Variants in SLC12A1 observed in about 807,000 individuals in gnomAD.
SLC12A1 encodes solute carrier family 12 member 1, also known as Na-K-2Cl cotransporter.
SLC12A1 carries 89 observed loss-of-function variants against 130.4 expected under a neutral mutation model. The ratio of observed to expected loss-of-function variants is 0.68; its 90% CI spans 0.58 to 0.81. The LOEUF is 0.81. Among genes scored for constraint, SLC12A1 ranks in the 40% least tolerant of loss-of-function variants. SLC12A1 has a pLI of 0.00. For missense variants in SLC12A1, 1,310 were observed against 1,336.4 expected (o/e 0.98, Z 0.31); for synonymous variants, 499 against 460.0 (o/e 1.08, Z -1.09).
Position 48,269,758 on chromosome 15 carries a change from T to C in SLC12A1, c.2396T>C (p.Ile799Thr). The C allele has an allele frequency of 6.4e-7, 1 of 1,573,036 alleles. No homozygotes were observed. Among genetic ancestry groups the C allele is most frequent in the Non-Finnish European group, 8.7e-7 (1 of 1,143,150 alleles). Reference sequence around the variant, plus strand: ...ACAGAGATTGAGAACTACGTGGGAATCATACAGTAAGTGATGGCTTTCAAG... The same window carrying C: ...ACAGAGATTGAGAACTACGTGGGAACCATACAGTAAGTGATGGCTTTCAAG... Reference protein sequence around the residue: ...PLTEIENYVGIIHDAFDFEIG... With the variant: ...PLTEIENYVGTIHDAFDFEIG... Residue 799 changes from isoleucine (I) to threonine (T), a missense_variant, in exon 19 of 27, where the codon ATC becomes ACC. Coordinates refer to ENST00000380993, the MANE Select transcript of SLC12A1 (RefSeq NM_000338.3).
chr15:48,272,843 C>T (rs1360632541), intron 19 of SLC12A1, among the ~76,000 whole-genome samples: 1 of 152,120 alleles, frequency 6.6e-6, no homozygotes, highest in East Asian at 1.9e-4. Flanking sequence ...CGCAGTGGCT[C>T]ATGCCTATAA....
intron 24 of SLC12A1, among the ~76,000 whole-genome samples, chr15:48,297,748 G>C (rs1219761525): frequency 6.6e-6 from 1 of 152,140 alleles, no homozygotes; most frequent in Admixed American, 6.6e-5. Context: ...TGACTCTCAA[G>C]CCAGTTTCTA....
Position 48,303,010 on chromosome 15 carries a change from C to G in SLC12A1, c.*125C>G, listed in dbSNP as rs1449843413. 20 of 651,044 alleles carry G rather than the reference C, an allele frequency of 3.1e-5. No homozygotes were observed. Among genetic ancestry groups the G allele is most frequent in the Non-Finnish European group, 4.8e-5 (20 of 416,262 alleles). The allele number at this position is 651,044 out of a possible 1,614,324, so 40.3% of individuals were successfully genotyped here. A position where few individuals can be genotyped will look rare whatever the true frequency, so the allele number is the denominator to read the frequency against. On this transcript the variant is annotated 3_prime_UTR_variant, in exon 27 of 27. Coordinates refer to ENST00000380993, the MANE Select transcript of SLC12A1 (RefSeq NM_000338.3). ...CCTCTGGAGAGGATCCTACCAGATT[C>G]TACATACATTGCATAATTTTTATCA...
chr15:48,215,887 G>A (rs955918030), intron 2 of SLC12A1, among the ~76,000 whole-genome samples: 2 of 152,158 alleles, frequency 1.3e-5, no homozygotes, highest in Non-Finnish European at 2.9e-5. Context: ...CACCTTGATG[G>A]AGGACGTACC....
intron 2 of SLC12A1, among the ~76,000 whole-genome samples, chr15:48,209,817 G>A (rs1463124149): frequency 6.6e-6 from 1 of 152,100 alleles, no homozygotes; most frequent in Non-Finnish European, 1.5e-5. Flanking sequence ...CTGAGGAGGA[G>A]CCCATGTTTT....
At position 48,249,629 on chromosome 15, in the gene SLC12A1, C is replaced by T; in HGVS notation, c.1739C>T (p.Ala580Val). 1 of 1,613,968 alleles carries T rather than the reference C, an allele frequency of 6.2e-7. No individual in the cohort carries two copies. The highest frequency in any genetic ancestry group is 8.5e-7 in the Non-Finnish European group (1 of 1,179,862). The change falls in exon 14 of 27, where the codon GCA becomes GTA. Residue 580 changes from alanine to valine, a missense_variant. Ala to Val is a moderately conservative substitution (Grantham distance 64). Coordinates refer to ENST00000380993, the MANE Select transcript of SLC12A1 (RefSeq NM_000338.3). The part of the protein sequence containing the change: ...IISNFFLASY[A>V]LINFSCFHAS... ...TCCAACTTTTTCCTGGCCTCATATG[C>T]ACTTATTAATTTCTCCTGCTTCCAT...
At chr15:48,289,598 T>C (rs953804937) in intron 23 of SLC12A1, among the ~76,000 whole-genome samples, 2 of 152,066 alleles carry the variant, frequency 1.3e-5, no homozygotes, top group Non-Finnish European at 1.5e-5. Context: ...CTAGATGGTA[T>C]AGCCTACTAC....
chr15:48,247,002 C>T lies in SLC12A1; in HGVS notation c.1546C>T (p.Pro516Ser), dbSNP rs1373506202. 2 of 1,613,330 alleles carry T rather than the reference C, an allele frequency of 1.2e-6. No individual in the cohort carries two copies. The highest frequency in any genetic ancestry group is 8.5e-7 in the Non-Finnish European group (1 of 1,179,324). ...SSALASLVSA[P>S]KVFQALCKDN... ...CGCCCTGGCCTCCCTTGTCAGCGCACCCAAAGTGTTCCAGGTAATACAAGC... is the reference window on the plus strand; with the variant it reads ...CGCCCTGGCCTCCCTTGTCAGCGCATCCAAAGTGTTCCAGGTAATACAAGC... Residue 516 changes from proline (P) to serine (S), a missense_variant, in exon 12 of 27, where the codon CCC becomes TCC. Pro to Ser is a moderately conservative substitution (Grantham distance 74). Coordinates refer to ENST00000380993, the MANE Select transcript of SLC12A1 (RefSeq NM_000338.3).
At chr15:48,261,327 A>T (rs1451481160) in intron 17 of SLC12A1, among the ~76,000 whole-genome samples, 1 of 152,214 alleles carries the variant, frequency 6.6e-6, no homozygotes, top group Non-Finnish European at 1.5e-5. Flanking sequence ...TGCTGCTTTA[A>T]CTATAATACA....
At chr15:48,296,705 ATTTAATAGCATGTAACAC>A (rs1410501748) in intron 24 of SLC12A1, among the ~76,000 whole-genome samples, 1 of 152,202 alleles carries the variant, frequency 6.6e-6, no homozygotes, top group Non-Finnish European at 1.5e-5. Flanking sequence ...TCTTATTTAT[ATTTAATAGCATGTAACAC>A]TTGGCTTATT....
At chr15:48,295,839 T>C (rs2042172672) in intron 24 of SLC12A1, among the ~76,000 whole-genome samples, 1 of 152,190 alleles carries the variant, frequency 6.6e-6, no homozygotes, top group Non-Finnish European at 1.5e-5. Context: ...CCATATTACC[T>C]TATAAAACAG....
At position 48,207,693 on chromosome 15, in the gene SLC12A1, A is replaced by G; in HGVS notation, c.-27A>G. On this transcript the variant is annotated 5_prime_UTR_variant, in exon 2 of 27. In the 5' UTR this introduces an upstream ATG that the reference lacks. Coordinates refer to ENST00000380993, the MANE Select transcript of SLC12A1 (RefSeq NM_000338.3). ...TTTTTAAAACAACCACAAAGTAGATAGCTCAGTAAAAAATCAATTTTGGAA... is the reference window on the plus strand; with the variant it reads ...TTTTTAAAACAACCACAAAGTAGATGGCTCAGTAAAAAATCAATTTTGGAA... The G allele has an allele frequency of 6.6e-7, 1 of 1,517,702 alleles. No homozygotes were observed. The highest frequency in any genetic ancestry group is 8.8e-7 in the Non-Finnish European group (1 of 1,134,704). The allele number at this position is 1,517,702 out of a possible 1,614,324, so 94.0% of individuals were successfully genotyped here.
At chr15:48,236,170 T>C (rs546524653) in intron 9 of SLC12A1, among the ~76,000 whole-genome samples, 4 of 151,792 alleles carry the variant, frequency 2.6e-5, no homozygotes, top group Admixed American at 2.0e-4. Flanking sequence ...CACAACAAAT[T>C]ATTATCAACT....
intron 19 of SLC12A1, among the ~76,000 whole-genome samples, chr15:48,272,752 T>A (rs2041911102): frequency 6.6e-6 from 1 of 152,172 alleles, no homozygotes; most frequent in African/African-American, 2.4e-5. Flanking sequence ...TTAATTAGAA[T>A]TTGTATATAT....
intron 21 of SLC12A1, among the ~76,000 whole-genome samples, chr15:48,285,898 A>G (rs1024684382): frequency 6.6e-6 from 1 of 152,200 alleles, no homozygotes; most frequent in Non-Finnish European, 1.5e-5. Context: ...CCGAAACGCT[A>G]TGGGTTTGAG....
At chr15:48,282,404 T>C (rs1388065277) in intron 20 of SLC12A1, among the ~76,000 whole-genome samples, 1 of 152,114 alleles carries the variant, frequency 6.6e-6, no homozygotes, top group East Asian at 1.9e-4. Flanking sequence ...CAAAAGAGGA[T>C]TTATCTTTCT....
chr15:48,232,238 T>G (rs1158942142), intron 7 of SLC12A1, among the ~76,000 whole-genome samples: 1 of 152,240 alleles, frequency 6.6e-6, no homozygotes, highest in Non-Finnish European at 1.5e-5. Flanking sequence ...CTTTGCAGAC[T>G]GCTTGTGCTG....
At position 48,288,142 on chromosome 15, in the gene SLC12A1, C is replaced by G. The variant is rs376638457; in HGVS notation, c.2729C>G (p.Thr910Arg). 1 of 1,609,840 alleles carries G rather than the reference C, an allele frequency of 6.2e-7. No individual in the cohort carries two copies. Among genetic ancestry groups the G allele is most frequent in the South Asian group, 1.1e-5 (1 of 90,000 alleles). The change falls in exon 22 of 27, where the codon ACA (threonine) becomes AGA (arginine). Residue 910 changes from threonine (T) to arginine (R), a missense_variant. Physicochemically the swap from Thr to Arg is moderately conservative, Grantham distance 71. Transcript: ENST00000380993. Reference sequence around the variant, plus strand: ...TTTAAAAAGAAACAAGAAAAAGGCACAATTGATGTTTGGTGGTTGTTTGAT... The same window carrying G: ...TTTAAAAAGAAACAAGAAAAAGGCAGAATTGATGTTTGGTGGTTGTTTGAT... ...TQFKKKQEKG[T>R]IDVWWLFDDG...
intron 2 of SLC12A1, among the ~76,000 whole-genome samples, chr15:48,211,562 C>T (rs1225678470): frequency 2.0e-5 from 3 of 152,166 alleles, no homozygotes; most frequent in African/African-American, 7.2e-5. Context: ...ATAGTGTTTA[C>T]TTAAATCATT....
Sources: allele counts gnomAD v4.1 joint callset (sites outside exome capture counted in the v4.1 genomes callset), GRCh38; gene constraint gnomAD v4.1.1; transcripts MANE v1.5; gene names NCBI Gene and HGNC (gene_info 2026-07-23, HGNC 2026-07-21).